The following PRIM1 variants were observed in gnomAD, a reference collection of about 807,000 sequenced individuals.
PRIM1 encodes DNA primase subunit 1, also known as DNA primase small subunit.
In PRIM1, 38 loss-of-function variants were observed where a neutral mutation model predicts 60.2. The ratio of observed to expected loss-of-function variants is 0.63; its 90% CI spans 0.49 to 0.83. The LOEUF (loss-of-function observed/expected upper bound fraction) is 0.83, where lower values mean the gene tolerates loss of function less well. PRIM1 is among the 40% of genes least tolerant of loss of function. The probability of loss-of-function intolerance (pLI) is 0.00; values close to 1 mark genes in which losing one functional copy is unlikely to be tolerated. For missense variants in PRIM1, 388 were observed against 506.2 expected, an observed-to-expected ratio of 0.77 and a Z score of 2.24; for synonymous variants, 158 against 160.2, an observed-to-expected ratio of 0.99 and a Z score of 0.10.
chr12:56,738,483 C>G lies in PRIM1; in HGVS notation c.1095G>C (p.Glu365Asp). ...ATTCAGCTTCATTCTCCTCTTTTTC[C>G]TCTTCATTAGTGGAAATGGCATCCA... is the stretch of plus-strand genomic sequence containing the variant. ...RELDAISTNEEEKEENEAESD... is the reference protein window; with the variant it reads ...RELDAISTNEDEKEENEAESD... Residue 365 changes from glutamate to aspartate, a missense_variant, in exon 11 of 13, where the codon GAG (glutamate) becomes GAC (aspartate). Transcript: ENST00000338193. 1.3e-6 allele frequency: 2 copies of G among 1,587,550 alleles called. No homozygotes were observed. Among genetic ancestry groups the G allele is most frequent in the Non-Finnish European group, 1.7e-6 (2 of 1,165,482 alleles).
chr12:56,741,848 A>G lies in PRIM1; in HGVS notation c.749-11T>C. 1 of 1,610,664 alleles carries G rather than the reference A, an allele frequency of 6.2e-7. No individual in the cohort carries two copies. Among genetic ancestry groups the G allele is most frequent in the East Asian group, 2.2e-5 (1 of 44,852 alleles). On this transcript the variant is annotated splice_polypyrimidine_tract_variant and intron_variant, in intron 7 of 12. Transcript: ENST00000338193. ...GTTCATCATGAATTGGTGATGGGTC[A>G]TTAAGGAACAGACTCATTTAGGGAA...
At position 56,734,254 on chromosome 12, in the gene PRIM1, T is replaced by C; in HGVS notation, c.1145-9A>G. ...ACTGGTCTTCTTATAATCTAAATTA[T>C]GAAGAATGTACATTATAATTAGCAT... On this transcript the variant is annotated splice_polypyrimidine_tract_variant and intron_variant, in intron 11 of 12. Transcript: ENST00000338193. The C allele has an allele frequency of 1.3e-6, 2 of 1,500,660 alleles. No individual in the cohort carries two copies. The highest frequency in any genetic ancestry group is 1.8e-6 in the Non-Finnish European group (2 of 1,088,666). 93.0% of individuals were successfully genotyped at this position (1,500,660 alleles called of 1,614,324 possible).
chr12:56,744,448 G>A (rs1377963098), intron 5 of PRIM1, among the ~76,000 whole-genome samples: 1 of 151,752 alleles, frequency 6.6e-6, no homozygotes, highest in Non-Finnish European at 1.5e-5. Flanking sequence ...AGCCGAGATC[G>A]CATCATTGCA....
intron 7 of PRIM1, among the ~76,000 whole-genome samples, chr12:56,742,462 G>A (rs1013195281): frequency 1.3e-5 from 2 of 151,634 alleles, no homozygotes; most frequent in Admixed American, 6.6e-5. Flanking sequence ...CCAGCTATTT[G>A]GGAGGCTGAG....
chr12:56,744,211 C>T, intron 5 of PRIM1, 88 bp from the exon 6 acceptor site: 1 of 1,028,318 alleles, frequency 9.7e-7, no homozygotes. Context: ...TCATGATGGA[C>T]TGCATATAAG....
At chr12:56,752,073 G>T in intron 1 of PRIM1, 123 bp downstream of exon 1, 1 of 556,342 alleles carries the variant, frequency 1.8e-6, no homozygotes, top group Non-Finnish European at 3.1e-6. Flanking sequence ...GCTCGAGAGA[G>T]CAAATGAAGG....
At chr12:56,747,994 C>T (rs1311307114) in intron 2 of PRIM1, among the ~76,000 whole-genome samples, 1 of 151,856 alleles carries the variant, frequency 6.6e-6, no homozygotes, top group Admixed American at 6.6e-5. Context: ...TTCAAGGCCA[C>T]CCTTGACTGA....
At chr12:56,740,866 T>G (rs192130277) in intron 9 of PRIM1, among the ~76,000 whole-genome samples, 118 of 152,106 alleles carry the variant, frequency 7.8e-4, no homozygotes, top group Non-Finnish European at 1.1e-3. Context: ...CAGGCTGGAG[T>G]GCAGTGGCAC....
intron 11 of PRIM1, among the ~76,000 whole-genome samples, chr12:56,737,260 C>G (rs1044781767): frequency 2.6e-5 from 4 of 152,150 alleles, no homozygotes; most frequent in Non-Finnish European, 2.9e-5. Flanking sequence ...AACTCCTCCC[C>G]CTCTCTTTGC....
intron 5 of PRIM1, among the ~76,000 whole-genome samples, chr12:56,745,606 A>G (rs1419717126): frequency 6.6e-6 from 1 of 152,108 alleles, no homozygotes; most frequent in African/African-American, 2.4e-5. Flanking sequence ...TAAATGATCT[A>G]TTGGTAAGAT....
chr12:56,750,912 A>C, intron 2 of PRIM1, 126 bp downstream of exon 2: 2 of 577,776 alleles, frequency 3.5e-6, no homozygotes, highest in Non-Finnish European at 5.3e-6. Flanking sequence ...CACTTGCCAA[A>C]CAATTAAAAA....
rs375960515 is a variant in PRIM1 at position 56,744,183 on chromosome 12, A to G, written c.580-60T>C. 2.3e-5 allele frequency: 30 copies of G among 1,279,702 alleles called. No individual in the cohort carries two copies. The African/African-American group carries it at 4.5e-4, about 19-fold the overall frequency. 79.3% of individuals were successfully genotyped at this position (1,279,702 alleles called of 1,614,324 possible). On this transcript the variant is annotated intron_variant, in intron 5 of 12. Transcript: ENST00000338193. ...ATACAATATAAATACAGTCATGTGC[A>G]GCATAACGACATTTTAGTCATGATG...
At chr12:56,742,898 T>G (rs1193418087) in intron 7 of PRIM1, 89 bp downstream of exon 7, 1 of 948,778 alleles carries the variant, frequency 1.1e-6, no homozygotes, top group African/African-American at 1.8e-5. Context: ...TATAAGTATA[T>G]GAGAACTTAC....
chr12:56,746,665 C>A (rs1411450784), intron 4 of PRIM1, 116 bp downstream of exon 4: 1 of 842,652 alleles, frequency 1.2e-6, no homozygotes. Context: ...CACACACACA[C>A]ACACACACAC....
intron 5 of PRIM1, 60 bp downstream of exon 5, chr12:56,745,985 A>G (rs17542816): frequency 0.033 from 49,215 of 1,483,226 alleles, 1,016 homozygotes; most frequent in African/African-American, 0.081. Flanking sequence ...CAGTAAACAT[A>G]TCAGGCTTGG....
intron 7 of PRIM1, chr12:56,742,110 G>C (rs1249891007): frequency 2.5e-6 from 1 of 405,024 alleles, no homozygotes; most frequent in South Asian, 2.2e-5. Context: ...AAAATCAGCA[G>C]GGCATGGTGG....
At chr12:56,735,789 T>C (rs1459089188) in intron 11 of PRIM1, among the ~76,000 whole-genome samples, 6 of 151,300 alleles carry the variant, frequency 4.0e-5, no homozygotes, top group Non-Finnish European at 8.9e-5. Flanking sequence ...TAGCTAGGAT[T>C]ATAGGCGCCC....
chr12:56,751,717 A>G (rs1953963662), intron 1 of PRIM1: 1 of 153,340 alleles, frequency 6.5e-6, no homozygotes, highest in Non-Finnish European at 1.5e-5. Context: ...AGGGAACGGT[A>G]CAAAAGATGA....
intron 11 of PRIM1, among the ~76,000 whole-genome samples, chr12:56,736,649 G>A (rs1459435301): frequency 6.6e-6 from 1 of 151,958 alleles, no homozygotes; most frequent in Non-Finnish European, 1.5e-5. Flanking sequence ...GACTACAGGT[G>A]TGCACCACCA....
Sources: allele counts gnomAD v4.1 joint callset (sites outside exome capture counted in the v4.1 genomes callset), GRCh38; gene constraint gnomAD v4.1.1; transcripts MANE v1.5; gene names NCBI Gene and HGNC (gene_info 2026-07-23, HGNC 2026-07-21).